The following ZC2HC1A variants were observed in gnomAD, a reference collection of about 807,000 sequenced individuals.
The protein encoded by ZC2HC1A is zinc finger C2HC-type containing 1A.
Under a neutral mutation model 40.7 loss-of-function variants are expected in ZC2HC1A, and 28 were observed. That is an observed-to-expected ratio of 0.69 (90% CI 0.51 to 0.94). The LOEUF is 0.94. Ranked by LOEUF, ZC2HC1A falls within the 40% of genes least tolerant of loss-of-function variation. The pLI, the probability that ZC2HC1A is intolerant of heterozygous loss-of-function variation, is 0.00. For missense variants in ZC2HC1A, 389 were observed against 386.3 expected (o/e 1.01, Z -0.06); for synonymous variants, 129 against 129.2 (o/e 1.00, Z 0.01).
At chr8:78,713,114 TTCCAAAATTAAACC>T (rs2130608272) in intron 7 of ZC2HC1A, among the ~76,000 whole-genome samples, 1 of 152,090 alleles carries the variant, frequency 6.6e-6, no homozygotes, top group East Asian at 1.9e-4. Context: ...TTAAGTACAA[TTCCAAAATTAAACC>T]TTCTTTAATT....
At chr8:78,683,982 T>A (rs1170826376) in intron 3 of ZC2HC1A, among the ~76,000 whole-genome samples, 2 of 152,204 alleles carry the variant, frequency 1.3e-5, no homozygotes, top group Admixed American at 1.3e-4. Context: ...TGAGACCACC[T>A]TAGCCTGGAC....
At chr8:78,680,004 A>G (rs558988269) in intron 3 of ZC2HC1A, among the ~76,000 whole-genome samples, 1 of 152,268 alleles carries the variant, frequency 6.6e-6, no homozygotes, top group Non-Finnish European at 1.5e-5. Flanking sequence ...CAAGAGTCAG[A>G]CTGTCTGAAT....
intron 5 of ZC2HC1A, among the ~76,000 whole-genome samples, chr8:78,692,850 GGA>G (rs1810255556): frequency 1.3e-5 from 2 of 151,872 alleles, no homozygotes; most frequent in African/African-American, 2.4e-5. Flanking sequence ...TCATTTACAT[GGA>G]GTATATCTCC....
chr8:78,704,745 G>T (rs1810717984), intron 7 of ZC2HC1A, among the ~76,000 whole-genome samples: 1 of 152,150 alleles, frequency 6.6e-6, no homozygotes, highest in African/African-American at 2.4e-5. Flanking sequence ...GTCAGTCATA[G>T]ATTTGGTCTT....
chr8:78,672,674 A>G (rs929147479), intron 1 of ZC2HC1A, among the ~76,000 whole-genome samples: 2 of 152,176 alleles, frequency 1.3e-5, no homozygotes, highest in Non-Finnish European at 2.9e-5. Context: ...AGAAAACTAC[A>G]TATTTCCAAC....
chr8:78,673,938 A>G (rs1809501475), intron 1 of ZC2HC1A, among the ~76,000 whole-genome samples: 1 of 152,254 alleles, frequency 6.6e-6, no homozygotes, highest in Non-Finnish European at 1.5e-5. Context: ...TTTATGCCTT[A>G]TAGTGATAAT....
intron 7 of ZC2HC1A, among the ~76,000 whole-genome samples, chr8:78,714,290 T>G (rs1330022839): frequency 5.9e-5 from 9 of 152,156 alleles, no homozygotes. Flanking sequence ...GCTACCTATT[T>G]CATAGGATTA....
At chr8:78,697,967 C>T (rs754403703) in intron 6 of ZC2HC1A, among the ~76,000 whole-genome samples, 2 of 152,078 alleles carry the variant, frequency 1.3e-5, no homozygotes, top group South Asian at 4.1e-4. Flanking sequence ...CGTGAGCCAC[C>T]GTGGTGCCGA....
intron 7 of ZC2HC1A, among the ~76,000 whole-genome samples, chr8:78,703,045 T>A (rs1810658387): frequency 6.6e-6 from 1 of 152,008 alleles, no homozygotes; most frequent in South Asian, 2.1e-4. Context: ...TACAGGGATG[T>A]GCCACCACAC....
rs991609442 is a variant in ZC2HC1A at position 78,718,509 on chromosome 8, T to C, written c.*1016T>C. 2 of 152,050 alleles carry C rather than the reference T, an allele frequency of 1.3e-5. No homozygotes were observed. Among genetic ancestry groups the C allele is most frequent in the Middle Eastern group, 3.4e-3 (1 of 294 alleles). 9.4% of individuals were successfully genotyped at this position (152,050 alleles called of 1,614,324 possible). On this transcript the variant is annotated 3_prime_UTR_variant, in exon 9 of 9. Transcript: ENST00000263849. ...GATAAAAAATATTTGAATTTTTTTT[T>C]CTTGGAAGTACATGTAGTTATGAGT...
intron 3 of ZC2HC1A, among the ~76,000 whole-genome samples, chr8:78,683,006 C>G (rs867894677): frequency 2.0e-5 from 3 of 152,236 alleles, no homozygotes; most frequent in Non-Finnish European, 4.4e-5. Flanking sequence ...TGTCTCACAT[C>G]CAGGTCATGC....
chr8:78,696,100 T>TCTCG (rs1444100219), intron 5 of ZC2HC1A, among the ~76,000 whole-genome samples: 1 of 152,112 alleles, frequency 6.6e-6, no homozygotes, highest in Non-Finnish European at 1.5e-5. Flanking sequence ...AGTGGCGTGA[T>TCTCG]CTCGGCTCAC....
At chr8:78,689,068 C>T (rs1029741379) in intron 4 of ZC2HC1A, among the ~76,000 whole-genome samples, 154 bp from the exon 5 acceptor site, 1 of 149,574 alleles carries the variant, frequency 6.7e-6, no homozygotes, top group Non-Finnish European at 1.5e-5. Context: ...TAAGTTTAGA[C>T]AAGTAAAACT....
rs139794142 is a variant in ZC2HC1A at position 78,666,158 on chromosome 8, C to A, written c.10C>A (p.Leu4Met). The A allele has an allele frequency of 2.1e-3, 3,237 of 1,574,424 alleles. 15 individuals are homozygous for A. Among genetic ancestry groups the A allele is most frequent in the Admixed American group, 8.7e-3 (463 of 53,308 alleles). Reference sequence around the variant, plus strand: ...TCGAGGAGGTGGCGCGATGGAGGGACTGGAAGGTGAGGCGATGAAGGGATG... The same window carrying A: ...TCGAGGAGGTGGCGCGATGGAGGGAATGGAAGGTGAGGCGATGAAGGGATG... Reference protein sequence around the residue: MEGLEENGGVVQVG... With the variant: MEGMEENGGVVQVG... Residue 4 changes from leucine (L) to methionine (M), a missense_variant, in exon 1 of 9, where the codon CTG (leucine) becomes ATG (methionine). Coordinates refer to ENST00000263849, the MANE Select transcript of ZC2HC1A (RefSeq NM_016010.3).
At chr8:78,701,261 A>G (rs1003547974) in intron 7 of ZC2HC1A, among the ~76,000 whole-genome samples, 6 of 152,120 alleles carry the variant, frequency 3.9e-5, no homozygotes, top group African/African-American at 1.4e-4. Flanking sequence ...GCAATTGTGA[A>G]TGGGAGTTTG....
At chr8:78,691,266 T>C (rs762875427) in intron 5 of ZC2HC1A, among the ~76,000 whole-genome samples, 5 of 141,566 alleles carry the variant, frequency 3.5e-5, no homozygotes, top group Admixed American at 6.8e-5. Context: ...TGCCAGCTTT[T>C]AATTCAAAAT....
chr8:78,692,631 T>A (rs1810247341), intron 5 of ZC2HC1A, among the ~76,000 whole-genome samples: 1 of 152,044 alleles, frequency 6.6e-6, no homozygotes, highest in African/African-American at 2.4e-5. Context: ...CAGTGTAGGT[T>A]TTCCAGTGGT....
chr8:78,707,234 A>G (rs986300086), intron 7 of ZC2HC1A, among the ~76,000 whole-genome samples: 9 of 152,168 alleles, frequency 5.9e-5, no homozygotes, highest in Admixed American at 5.9e-4. Flanking sequence ...TTAAAAGCTG[A>G]TATTTTTCAG....
rs146666755 is a variant in ZC2HC1A, at chr8:78,703,712, G to A, written c.704+5199G>A. Among the ~76,000 whole-genome samples, 543 of 152,084 alleles carry A rather than the reference G, an allele frequency of 3.6e-3. 2 individuals are homozygous for A. The highest frequency in any genetic ancestry group is 6.5e-3 in the Non-Finnish European group (439 of 67,960). On this transcript the variant is annotated intron_variant, in intron 7 of 8. Transcript: ENST00000263849. ...GGTCTCTTGAAGACAGCATACCAAT[G>A]GATCGTGGTTCTTTATCAAAATACT...
Sources: gnomAD v4.1 joint callset for allele counts (sites outside exome capture counted in the v4.1 genomes callset) on GRCh38, gnomAD v4.1.1 for gene constraint, MANE v1.5 for transcripts, NCBI Gene and HGNC (gene_info 2026-07-23, HGNC 2026-07-21) for gene names.